Variants in FBXL13 observed in about 807,000 individuals in gnomAD.
FBXL13 encodes F-box and leucine rich repeat protein 13.
FBXL13 carries 67 observed loss-of-function variants against 83.6 expected under a neutral mutation model. The observed-to-expected ratio is 0.80, with a 90% CI of 0.66 to 0.98. The LOEUF (loss-of-function observed/expected upper bound fraction) is 0.98. Among genes scored for constraint, FBXL13 ranks in the 50% least tolerant of loss-of-function variants. The pLI is 0.00. For missense variants in FBXL13, 822 were observed against 866.5 expected (o/e 0.95, Z 0.64); for synonymous variants, 272 against 299.5 (o/e 0.91, Z 0.95).
intron 8 of FBXL13, among the ~76,000 whole-genome samples, chr7:102,953,862 A>G (rs1190814260): frequency 1.3e-5 from 2 of 152,186 alleles, no homozygotes; most frequent in Non-Finnish European, 2.9e-5. Flanking sequence ...TGTATTTAAT[A>G]GTATATTTTC....
chr7:102,952,827 T>C (rs967461958), intron 8 of FBXL13, among the ~76,000 whole-genome samples: 3 of 152,078 alleles, frequency 2.0e-5, no homozygotes, highest in East Asian at 1.9e-4. Flanking sequence ...CTACTCAAAA[T>C]ACAAAAATTA....
intron 11 of FBXL13, among the ~76,000 whole-genome samples, chr7:102,884,845 A>G (rs934903939): frequency 3.9e-5 from 6 of 152,184 alleles, no homozygotes; most frequent in Non-Finnish European, 7.3e-5. Context: ...TCCTGTCTCC[A>G]TAAATTTACC....
At chr7:102,926,293 T>C (rs1355931055) in exon 10 of FBXL13, 1 of 1,613,670 alleles carries the variant, frequency 6.2e-7, no homozygotes, top group Non-Finnish European at 8.5e-7. Flanking sequence ...AGTCGCATCG[T>C]CCTGTTGGTG....
intron 8 of FBXL13, among the ~76,000 whole-genome samples, chr7:102,946,315 TTTAGG>T (rs1822485797): frequency 6.6e-6 from 1 of 152,166 alleles, no homozygotes; most frequent in African/African-American, 2.4e-5. Context: ...AGGTAGAGGG[TTTAGG>T]TAACTTGGAC....
At chr7:103,066,489 T>G (rs906450589) in intron 1 of FBXL13, among the ~76,000 whole-genome samples, 13 of 152,208 alleles carry the variant, frequency 8.5e-5, no homozygotes, top group Non-Finnish European at 1.5e-4. Flanking sequence ...CCTCCCGGGT[T>G]CACACCATTC....
intron 3 of FBXL13, 144 bp from the exon 5 acceptor site, chr7:103,028,892 A>G: frequency 1.8e-6 from 1 of 565,506 alleles, no homozygotes; most frequent in Non-Finnish European, 2.8e-6. Flanking sequence ...CAACTTGGGT[A>G]TGACCTGAAG....
Position 102,919,378 on chromosome 7 carries a change from TAAAAG to T in FBXL13, c.879-6168_879-6164del, listed in dbSNP as rs1210563359. Among the ~76,000 whole-genome samples the T allele has an allele frequency of 2.0e-5, 3 of 152,190 alleles. No individual in the cohort carries two copies. In the East Asian group the frequency reaches 5.8e-4, roughly 29 times the overall value. ...ACAGGAATAAAATCGGATCTAAAAA[TAAAAG>T]GAGATTCTTATGATAAACTCTAAAC... On this transcript the variant is annotated intron_variant, in intron 10 of 19. Transcript: ENST00000313221.
chr7:103,021,465 A>C (rs1420907747), intron 6 of FBXL13, among the ~76,000 whole-genome samples: 1 of 152,186 alleles, frequency 6.6e-6, no homozygotes, highest in Non-Finnish European at 1.5e-5. Flanking sequence ...ATGACACCAA[A>C]AGCCAAAATT....
chr7:102,877,341 A>G, intron 16 of FBXL13, 126 bp downstream of exon 17: 1 of 845,978 alleles, frequency 1.2e-6, no homozygotes. Flanking sequence ...CAATATCCCT[A>G]AACTTAACTT....
chr7:102,869,351 G>T (rs1310128237), intron 16 of FBXL13, among the ~76,000 whole-genome samples: 16 of 152,118 alleles, frequency 1.1e-4, no homozygotes, highest in Non-Finnish European at 1.3e-4. Context: ...AGTTGTTTGA[G>T]TTCCTTGTAT....
intron 17 of FBXL13, among the ~76,000 whole-genome samples, chr7:102,837,685 A>G (rs1300850479): frequency 6.6e-6 from 1 of 152,034 alleles, no homozygotes; most frequent in Non-Finnish European, 1.5e-5. Context: ...CCTTCCACAT[A>G]TGTGCATGCT....
At chr7:102,888,593 A>T (rs966829215) in intron 11 of FBXL13, among the ~76,000 whole-genome samples, 1 of 152,220 alleles carries the variant, frequency 6.6e-6, no homozygotes, top group Non-Finnish European at 1.5e-5. Flanking sequence ...GAGGCAAAGC[A>T]GTGGGAGTGC....
intron 6 of FBXL13, among the ~76,000 whole-genome samples, chr7:102,982,770 C>T (rs930300676): frequency 3.9e-5 from 6 of 152,194 alleles, no homozygotes; most frequent in African/African-American, 1.4e-4. Flanking sequence ...GTCCATTAAA[C>T]TTCTTTCCTT....
chr7:102,879,439 A>ATGTGTGTGTGTGTGTGTG (rs139051886), intron 14 of FBXL13, among the ~76,000 whole-genome samples: 204 of 144,790 alleles, frequency 1.4e-3, no homozygotes, highest in African/African-American at 4.8e-3. Flanking sequence ...GCAGTTAAGG[A>ATGTGTGTGTGTGTGTGTG]TGTGTGTGTG....
intron 6 of FBXL13, among the ~76,000 whole-genome samples, chr7:102,997,099 T>C (rs1454575661): frequency 1.3e-5 from 2 of 152,182 alleles, no homozygotes; most frequent in Admixed American, 1.3e-4. Flanking sequence ...TATTCTTCTG[T>C]TCCAACCAGC....
At chr7:102,867,691 A>AT (rs1338300455) in intron 16 of FBXL13, among the ~76,000 whole-genome samples, 49 of 71,614 alleles carry the variant, frequency 6.8e-4, no homozygotes, top group African/African-American at 1.0e-3. Context: ...ATATATATAT[A>AT]TATATTTTTT....
At chr7:103,073,290 C>T (rs1027370405) in intron 1 of FBXL13, among the ~76,000 whole-genome samples, 1 of 152,156 alleles carries the variant, frequency 6.6e-6, no homozygotes, top group Admixed American at 6.5e-5. Flanking sequence ...TGGACAGTTG[C>T]TAAGCAACTT....
chr7:102,904,543 T>C (rs1008707174), intron 11 of FBXL13, among the ~76,000 whole-genome samples: 5 of 152,090 alleles, frequency 3.3e-5, no homozygotes, highest in Non-Finnish European at 7.4e-5. Context: ...AACCCACTTT[T>C]TGTTTCATTG....
rs1344298414 is a variant in FBXL13, at chr7:102,822,924, T to G, written c.1855-721A>C. 3.9e-5 allele frequency among the ~76,000 whole-genome samples: 6 copies of G among 152,220 alleles called. No individual in the cohort carries two copies. The East Asian group carries it at 1.2e-3, about 29-fold the overall frequency. ...CAAAAATACAAAAATTAGCTGGGCA[T>G]GGTGGCACGTGCCTGTAGTCCCAGC... On this transcript the variant is annotated intron_variant, in intron 18 of 19. Coordinates refer to ENST00000313221, the Ensembl canonical transcript of FBXL13.
Sources: allele counts gnomAD v4.1 joint callset (sites outside exome capture counted in the v4.1 genomes callset), GRCh38; gene constraint gnomAD v4.1.1; transcripts MANE v1.5; gene names NCBI Gene and HGNC (gene_info 2026-07-23, HGNC 2026-07-21).